Variants in NKAIN2 observed in about 807,000 individuals in gnomAD.
NKAIN2 encodes the protein sodium/potassium-transporting ATPase subunit beta-1-interacting protein 2.
NKAIN2 carries 14 observed loss-of-function variants against 32.6 expected under a neutral mutation model. The observed-to-expected ratio is 0.43, with a 90% CI of 0.28 to 0.67. The LOEUF (loss-of-function observed/expected upper bound fraction) is 0.67, where lower values mean the gene tolerates loss of function less well. Ranked by LOEUF, NKAIN2 falls within the 30% of genes least tolerant of loss-of-function variation. The probability of loss-of-function intolerance (pLI) is 0.17; values close to 1 mark genes in which losing one functional copy is unlikely to be tolerated. For missense variants in NKAIN2, 198 were observed against 258.3 expected, an observed-to-expected ratio of 0.77 and a Z score of 1.60; for synonymous variants, 80 against 87.2, an observed-to-expected ratio of 0.92 and a Z score of 0.46.
chr6:124,623,295 TG>T (rs1246245886), intron 3 of NKAIN2, among the ~76,000 whole-genome samples: 1 of 152,100 alleles, frequency 6.6e-6, no homozygotes, highest in Non-Finnish European at 1.5e-5. Flanking sequence ...ACATGTATGA[TG>T]GGGCTGCAAA....
chr6:124,180,401 T>G (rs779824667), intron 1 of NKAIN2, among the ~76,000 whole-genome samples: 1 of 152,088 alleles, frequency 6.6e-6, no homozygotes. Flanking sequence ...CTCCTGAGAC[T>G]TATTCACTAC....
At chr6:124,235,054 C>T (rs1042984970) in intron 1 of NKAIN2, among the ~76,000 whole-genome samples, 6 of 152,088 alleles carry the variant, frequency 3.9e-5, no homozygotes, top group Admixed American at 6.6e-5. Flanking sequence ...TACTTTCTGG[C>T]CAAAGCTTAA....
intron 4 of NKAIN2, among the ~76,000 whole-genome samples, chr6:124,737,587 A>G (rs1777013918): frequency 6.6e-6 from 1 of 151,880 alleles, no homozygotes. Flanking sequence ...CAGAGGTTGG[A>G]ACAATTTGGA....
intron 1 of NKAIN2, among the ~76,000 whole-genome samples, chr6:123,864,880 AC>A: frequency 1.3e-5 from 2 of 152,288 alleles, no homozygotes; most frequent in South Asian, 4.1e-4. Flanking sequence ...ATTAGCAAAA[AC>A]ATTATATCAA....
chr6:123,804,044 G>C lies in NKAIN2; in HGVS notation c.-157G>C. 1.3e-6 allele frequency: 1 copy of C among 748,506 alleles called. No homozygotes were observed. 46.4% of individuals were successfully genotyped at this position (748,506 alleles called of 1,614,324 possible). On this transcript the variant is annotated 5_prime_UTR_variant, in exon 1 of 7. It removes an upstream start codon present in the reference 5' UTR. Transcript: ENST00000368417. ...CGCCGCCGCGCCAGCAGGTCCTAAT[G>C]CCTGTCACTTCCCAGGACGCTGGCA...
intron 3 of NKAIN2, among the ~76,000 whole-genome samples, chr6:124,363,192 A>T (rs1314342129): frequency 6.6e-6 from 1 of 152,180 alleles, no homozygotes; most frequent in Non-Finnish European, 1.5e-5. Context: ...ATAAAGCAAG[A>T]AATATATGTT....
chr6:124,788,201 C>T (rs1779587762), intron 4 of NKAIN2, among the ~76,000 whole-genome samples: 1 of 151,996 alleles, frequency 6.6e-6, no homozygotes, highest in South Asian at 2.1e-4. Context: ...TTTTAGAGGG[C>T]ATGTGACAAT....
intron 2 of NKAIN2, among the ~76,000 whole-genome samples, chr6:124,307,665 C>G (rs544870389): frequency 7.2e-5 from 11 of 152,108 alleles, no homozygotes; most frequent in African/African-American, 2.6e-4. Flanking sequence ...ATTACATGAT[C>G]CATAGGAAAA....
intron 3 of NKAIN2, among the ~76,000 whole-genome samples, chr6:124,444,498 C>T (rs115104622): frequency 0.011 from 1,700 of 152,012 alleles, 27 homozygotes; most frequent in African/African-American, 0.039. Context: ...ACATAAGACA[C>T]GCATATAACA....
intron 1 of NKAIN2, among the ~76,000 whole-genome samples, chr6:124,159,802 C>A (rs904628343): frequency 6.6e-6 from 1 of 152,108 alleles, no homozygotes; most frequent in Non-Finnish European, 1.5e-5. Context: ...TATGTAGATA[C>A]AGCCAATACC....
intron 3 of NKAIN2, among the ~76,000 whole-genome samples, chr6:124,375,453 T>A (rs191575603): frequency 4.7e-4 from 68 of 146,196 alleles, no homozygotes; most frequent in African/African-American, 1.6e-3. Flanking sequence ...CATTTATATA[T>A]ATTACATAAA....
At chr6:124,407,534 T>C (rs1773921010) in intron 3 of NKAIN2, among the ~76,000 whole-genome samples, 1 of 152,190 alleles carries the variant, frequency 6.6e-6, no homozygotes, top group South Asian at 2.1e-4. Flanking sequence ...CTCATCATTT[T>C]TTATGGCTTC....
At chr6:124,645,325 G>T (rs187865736) in intron 3 of NKAIN2, among the ~76,000 whole-genome samples, 1 of 152,326 alleles carries the variant, frequency 6.6e-6, no homozygotes, top group African/African-American at 2.4e-5. Flanking sequence ...TAAGGAACAG[G>T]TAGCTTGCCT....
chr6:124,015,752 C>T (rs967738063), intron 1 of NKAIN2, among the ~76,000 whole-genome samples: 3 of 152,136 alleles, frequency 2.0e-5, no homozygotes, highest in Non-Finnish European at 2.9e-5. Flanking sequence ...TTACTTTATA[C>T]GCTCATATAA....
At chr6:124,219,431 C>A (rs948322780) in intron 1 of NKAIN2, among the ~76,000 whole-genome samples, 2 of 151,824 alleles carry the variant, frequency 1.3e-5, no homozygotes, top group Non-Finnish European at 2.9e-5. Context: ...GTGTGTGCCA[C>A]CACATCCGAC....
chr6:124,574,935 A>G (rs1391546406), intron 3 of NKAIN2, among the ~76,000 whole-genome samples: 1 of 152,166 alleles, frequency 6.6e-6, no homozygotes, highest in East Asian at 1.9e-4. Flanking sequence ...ATATCTCTCA[A>G]AGGCAGAAGG....
chr6:124,723,996 G>A (rs901297210), intron 4 of NKAIN2, among the ~76,000 whole-genome samples: 2 of 152,122 alleles, frequency 1.3e-5, no homozygotes, highest in Non-Finnish European at 2.9e-5. Flanking sequence ...TGCAGCATAT[G>A]AACTAAATTA....
intron 1 of NKAIN2, among the ~76,000 whole-genome samples, chr6:124,157,711 T>A (rs1420533813): frequency 1.3e-5 from 2 of 152,226 alleles, no homozygotes; most frequent in African/African-American, 4.8e-5. Flanking sequence ...GAGATTTAAT[T>A]TGTTTTATTT....
intron 1 of NKAIN2, among the ~76,000 whole-genome samples, chr6:124,069,821 C>T (rs1042869445): frequency 5.3e-5 from 8 of 152,298 alleles, no homozygotes; most frequent in African/African-American, 1.9e-4. Flanking sequence ...TGGAGGCATC[C>T]TTCCCCTTCT....
Sources: gnomAD v4.1 joint callset for allele counts (sites outside exome capture counted in the v4.1 genomes callset) on GRCh38, gnomAD v4.1.1 for gene constraint, MANE v1.5 for transcripts, NCBI Gene and HGNC (gene_info 2026-07-23, HGNC 2026-07-21) for gene names.